PLEKHA7: variants seen among roughly 807,000 people sequenced by gnomAD.
PLEKHA7 encodes the protein pleckstrin homology domain-containing family A member 7.
Under a neutral mutation model 170.0 loss-of-function variants are expected in PLEKHA7, and 104 were observed. The ratio of observed to expected loss-of-function variants is 0.61; its 90% CI spans 0.52 to 0.72. The LOEUF (loss-of-function observed/expected upper bound fraction) is 0.72. PLEKHA7 is among the 30% of genes least tolerant of loss of function. PLEKHA7 has a pLI of 0.00. For synonymous variants in PLEKHA7, 648 were observed against 660.8 expected (o/e 0.98, Z 0.30); for missense variants, 1,615 against 1,671.7 (o/e 0.97, Z 0.59).
At chr11:16,897,660 G>A (rs1000787981) in intron 3 of PLEKHA7, among the ~76,000 whole-genome samples, 2 of 152,146 alleles carry the variant, frequency 1.3e-5, no homozygotes, top group Non-Finnish European at 2.9e-5. Context: ...TGAAAGGCTG[G>A]TAGTTCCTAA....
At chr11:16,822,501 GGAAAAAAAAAA>G (rs1397261884) in intron 10 of PLEKHA7, among the ~76,000 whole-genome samples, 15 of 126,348 alleles carry the variant, frequency 1.2e-4, no homozygotes, top group African/African-American at 3.7e-4. Context: ...TTTTGGTAGG[GGAAAAAAAAAA>G]AAAAAAAAAA....
chr11:16,892,634 T>TTC, intron 3 of PLEKHA7, among the ~76,000 whole-genome samples: 1 of 145,392 alleles, frequency 6.9e-6, no homozygotes, highest in East Asian at 2.0e-4. Context: ...TTTTTTTTTT[T>TTC]TTTTTTTCGT....
At chr11:16,865,929 C>T (rs1854352736) in intron 4 of PLEKHA7, among the ~76,000 whole-genome samples, 1 of 151,884 alleles carries the variant, frequency 6.6e-6, no homozygotes, top group East Asian at 2.0e-4. Flanking sequence ...CCTCTGCCTC[C>T]CGGGCTCAAG....
At chr11:16,883,522 T>C (rs1038990012) in intron 3 of PLEKHA7, among the ~76,000 whole-genome samples, 1 of 152,204 alleles carries the variant, frequency 6.6e-6, no homozygotes, top group Non-Finnish European at 1.5e-5. Flanking sequence ...TATCTCTCAC[T>C]GCTTCCTGAT....
At chr11:16,997,753 C>T (rs1590816503) in intron 3 of PLEKHA7, among the ~76,000 whole-genome samples, 1 of 152,214 alleles carries the variant, frequency 6.6e-6, no homozygotes, top group African/African-American at 2.4e-5. Context: ...AAAGGGGTTG[C>T]TGACTCGACA....
chr11:16,982,780 T>TACACACAC (rs35725815), intron 3 of PLEKHA7, among the ~76,000 whole-genome samples: 28,965 of 143,882 alleles, frequency 0.2, 3,597 homozygotes, highest in East Asian at 0.37. Context: ...CACTATCCCC[T>TACACACAC]ACACACACAC....
At chr11:16,901,610 T>C (rs1347693724) in intron 3 of PLEKHA7, among the ~76,000 whole-genome samples, 1 of 152,204 alleles carries the variant, frequency 6.6e-6, no homozygotes, top group African/African-American at 2.4e-5. Flanking sequence ...GGCTCACGCC[T>C]GTAATCCCAG....
intron 3 of PLEKHA7, among the ~76,000 whole-genome samples, chr11:16,908,593 T>G (rs1858028964): frequency 6.6e-6 from 1 of 151,998 alleles, no homozygotes; most frequent in Admixed American, 6.6e-5. Flanking sequence ...CTTCTGGGGT[T>G]CAAGCGATTC....
rs530649413 is a variant in PLEKHA7 at position 17,012,266 on chromosome 11, A to G, written c.221+1723T>C. Among the ~76,000 whole-genome samples the G allele has an allele frequency of 2.0e-5, 3 of 152,252 alleles. No individual in the cohort carries two copies. The East Asian group carries it at 5.8e-4, about 29-fold the overall frequency. On this transcript the variant is annotated intron_variant, in intron 3 of 26. Transcript: ENST00000531066. ...ATGAAAATTCCTCACCCCGGCTCAC[A>G]AAGCTTTGCGGCATTTACCTTTCTC...
chr11:16,818,054 C>T (rs1346066038), intron 10 of PLEKHA7, among the ~76,000 whole-genome samples: 1 of 149,640 alleles, frequency 6.7e-6, no homozygotes. Context: ...GGAAGTACTC[C>T]ATCTCAGGGT....
At chr11:16,898,475 T>G (rs1857131701) in intron 3 of PLEKHA7, among the ~76,000 whole-genome samples, 1 of 152,226 alleles carries the variant, frequency 6.6e-6, no homozygotes, top group Non-Finnish European at 1.5e-5. Context: ...AGTTAGTTAC[T>G]TAACCTCTCT....
intron 3 of PLEKHA7, among the ~76,000 whole-genome samples, chr11:16,899,894 G>A (rs1374916869): frequency 1.3e-5 from 2 of 152,226 alleles, no homozygotes; most frequent in Non-Finnish European, 2.9e-5. Flanking sequence ...CTTGTGAGCT[G>A]TTCTTGGCCT....
At chr11:16,781,051 T>G (rs1848985918) in intron 26 of PLEKHA7, 22 of 984,046 alleles carry the variant, frequency 2.2e-5, no homozygotes, top group Non-Finnish European at 2.4e-5. Context: ...CCAGCTGCTG[T>G]GCTAGATGGG....
chr11:16,823,195 G>C (rs1052074468), intron 10 of PLEKHA7, among the ~76,000 whole-genome samples: 1 of 151,932 alleles, frequency 6.6e-6, no homozygotes, highest in African/African-American at 2.4e-5. Context: ...TGGTAGAGAT[G>C]GTGTCTTGCT....
chr11:16,783,498 A>G (rs1849190187), intron 25 of PLEKHA7, among the ~76,000 whole-genome samples: 1 of 152,254 alleles, frequency 6.6e-6, no homozygotes, highest in Admixed American at 6.5e-5. Context: ...CGAATGTTGC[A>G]GGTCTTTCCA....
chr11:16,922,500 C>T (rs1236654037), intron 3 of PLEKHA7, among the ~76,000 whole-genome samples: 1 of 152,176 alleles, frequency 6.6e-6, no homozygotes, highest in African/African-American at 2.4e-5. Flanking sequence ...TTCTCTCTCC[C>T]CTCATTCCTG....
intron 3 of PLEKHA7, among the ~76,000 whole-genome samples, chr11:16,895,024 T>C (rs1442378479): frequency 6.6e-6 from 1 of 152,070 alleles, no homozygotes; most frequent in Non-Finnish European, 1.5e-5. Flanking sequence ...ACACAGCTAG[T>C]AGGAACAGAG....
At chr11:16,849,551 G>A (rs1051928622) in intron 8 of PLEKHA7, among the ~76,000 whole-genome samples, 4 of 152,206 alleles carry the variant, frequency 2.6e-5, no homozygotes, top group Admixed American at 2.0e-4. Context: ...TGCGATGTCT[G>A]TGCAGCAAGT....
intron 3 of PLEKHA7, among the ~76,000 whole-genome samples, chr11:16,948,939 G>A (rs1390623946): frequency 6.6e-6 from 1 of 152,168 alleles, no homozygotes; most frequent in Non-Finnish European, 1.5e-5. Context: ...CCCTGGAGCA[G>A]GACGTCATTG....
Sources: gnomAD v4.1 joint callset for allele counts (sites outside exome capture counted in the v4.1 genomes callset) on GRCh38, gnomAD v4.1.1 for gene constraint, MANE v1.5 for transcripts, NCBI Gene and HGNC (gene_info 2026-07-23, HGNC 2026-07-21) for gene names.